Variants in SPEN observed in about 807,000 individuals in gnomAD.
The protein encoded by SPEN is spen family transcriptional repressor.
SPEN carries 18 observed loss-of-function variants against 269.9 expected under a neutral mutation model. The ratio of observed to expected loss-of-function variants is 0.07; its 90% CI spans 0.05 to 0.10. SPEN has a LOEUF of 0.10. SPEN is among the 10% of genes least tolerant of loss of function. SPEN has a pLI of 1.00. For synonymous variants in SPEN, 1,726 were observed against 1,765.7 expected (o/e 0.98, Z 0.56); for missense variants, 3,822 against 4,631.2 (o/e 0.83, Z 5.07).
chr1:15,930,798 C>G lies in SPEN; in HGVS notation c.4558C>G (p.Gln1520Glu). Residue 1520 changes from glutamine to glutamate, a missense_variant, in exon 11 of 15, where the codon CAA (glutamine) becomes GAA (glutamate). Gln to Glu is a conservative substitution (Grantham distance 29, BLOSUM62 2). This residue lies in a region of SPEN where 533 missense variants were observed against 618.8 expected (regional missense o/e 0.86). Coordinates refer to ENST00000375759, the MANE Select transcript of SPEN (RefSeq NM_015001.3). This position sits in a 1 kb window ranked among gnomAD's most constrained non-coding sequence, Gnocchi z 5.3. Reference protein sequence around the residue: ...DKKEDHKEEEQERQELFASRF... With the variant: ...DKKEDHKEEEEERQELFASRF... The stretch of plus-strand genomic sequence containing the variant: ...GAAAGAGGACCATAAAGAAGAAGAG[C>G]AAGAGAGGCAGGAATTGTTTGCTTC... The G allele has an allele frequency of 6.2e-7, 1 of 1,614,124 alleles. No homozygotes were observed. The highest frequency in any genetic ancestry group is 8.5e-7 in the Non-Finnish European group (1 of 1,180,024).
chr1:15,912,384 T>G (rs2071020278), intron 5 of SPEN, among the ~76,000 whole-genome samples: 1 of 152,172 alleles, frequency 6.6e-6, no homozygotes. Flanking sequence ...CATTAAAAAT[T>G]TATAGTCACT....
intron 1 of SPEN, among the ~76,000 whole-genome samples, chr1:15,861,868 C>G (rs1311812437): frequency 6.6e-6 from 1 of 152,030 alleles, no homozygotes; most frequent in Admixed American, 6.6e-5. Flanking sequence ...GGTGAAACCC[C>G]GTCTCTACTA....
In SPEN at chr1:15,935,387, G is replaced by C; in HGVS notation, c.9147G>C (p.Ala3049=). The C allele has an allele frequency of 6.2e-7, 1 of 1,613,994 alleles. No individual in the cohort carries two copies. The highest frequency in any genetic ancestry group is 1.1e-5 in the South Asian group (1 of 91,082). The change falls in exon 11 of 15, where the codon GCG becomes GCC. Residue 3049 remains alanine (A), a synonymous_variant. Transcript: ENST00000375759. This position sits in a 1 kb window ranked among gnomAD's most constrained non-coding sequence, Gnocchi z 7.7. The stretch of plus-strand genomic sequence containing the variant: ...ACCCCAGCAGTACTGCATCTACGGC[G>C]CTCTCCACCAACGCCACAGTCATGC... ...ASHPSSTAST[A]LSTNATVMLA...
At chr1:15,871,886 A>G (rs535022146) in intron 1 of SPEN, among the ~76,000 whole-genome samples, 2 of 152,144 alleles carry the variant, frequency 1.3e-5, no homozygotes, top group African/African-American at 2.4e-5. Flanking sequence ...CTTTGATTCT[A>G]TCTTAGGTTC....
chr1:15,923,058 T>C (rs568177739), intron 10 of SPEN, among the ~76,000 whole-genome samples: 1 of 152,344 alleles, frequency 6.6e-6, no homozygotes, highest in Non-Finnish European at 1.5e-5. Flanking sequence ...TTGTATGTGC[T>C]CATACATTTA....
Position 15,929,525 on chromosome 1 carries a change from T to G in SPEN, c.3285T>G (p.Ser1095=). Residue 1095 remains serine (S), a synonymous_variant, in exon 11 of 15, where the codon TCT becomes TCG. Coordinates refer to ENST00000375759, the MANE Select transcript of SPEN (RefSeq NM_015001.3). The surrounding 1 kb of genome is among the most constrained non-coding windows in gnomAD (Gnocchi z 5.8). ...GACTGGGAGAACTAGCAGGTGAATC[T>G]GTGGAAAATCAAGAAGTCCAATCAA... The part of the protein sequence containing the change: ...QARLGELAGE[S]VENQEVQSKK... The G allele has an allele frequency of 6.2e-7, 1 of 1,613,776 alleles. No individual in the cohort carries two copies. The highest frequency in any genetic ancestry group is 8.5e-7 in the Non-Finnish European group (1 of 1,179,918).
chr1:15,924,066 A>T (rs576449023), intron 10 of SPEN, among the ~76,000 whole-genome samples: 344 of 152,336 alleles, frequency 2.3e-3, no homozygotes, highest in African/African-American at 7.9e-3. Flanking sequence ...CAGAATCCAA[A>T]TCACAAAGCT....
chr1:15,867,651 T>G (rs1298229396), intron 1 of SPEN, among the ~76,000 whole-genome samples: 1 of 151,986 alleles, frequency 6.6e-6, no homozygotes, highest in Non-Finnish European at 1.5e-5. Context: ...TGGGTGGCTA[T>G]CTCACCAGCA....
intron 1 of SPEN, among the ~76,000 whole-genome samples, chr1:15,853,650 T>G (rs1230698765): frequency 2.0e-5 from 3 of 149,590 alleles, no homozygotes; most frequent in African/African-American, 7.4e-5. Flanking sequence ...CACACCACCA[T>G]GTCTGGCTAA....
chr1:15,895,545 A>G (rs1291768763), intron 3 of SPEN, among the ~76,000 whole-genome samples: 1 of 152,176 alleles, frequency 6.6e-6, no homozygotes, highest in Non-Finnish European at 1.5e-5. Flanking sequence ...CTTTTTGGGT[A>G]AGCTTTAATT....
chr1:15,917,429 AC>A (rs769625555), intron 6 of SPEN, among the ~76,000 whole-genome samples: 3 of 152,148 alleles, frequency 2.0e-5, no homozygotes, highest in Non-Finnish European at 4.4e-5. Flanking sequence ...CACTCTTGTC[AC>A]CCAGGCTGGA....
At chr1:15,899,844 T>TTTTA (rs1007472125) in intron 3 of SPEN, among the ~76,000 whole-genome samples, 2 of 151,912 alleles carry the variant, frequency 1.3e-5, no homozygotes, top group South Asian at 2.1e-4. Flanking sequence ...TATTTTTTTA[T>TTTTA]TTTATTTATT....
At position 15,934,649 on chromosome 1, in the gene SPEN, G is replaced by A. The variant is rs1485386999; in HGVS notation, c.8409G>A (p.Gly2803=). 1 of 1,614,036 alleles carries A rather than the reference G, an allele frequency of 6.2e-7. No homozygotes were observed. The highest frequency in any genetic ancestry group is 1.1e-5 in the South Asian group (1 of 91,080). The change falls in exon 11 of 15, where the codon GGG becomes GGA. Residue 2803 remains glycine (G), a synonymous_variant. Transcript: ENST00000375759. The surrounding 1 kb of genome is among the most constrained non-coding windows in gnomAD (Gnocchi z 9.2). Reference sequence around the variant, plus strand: ...ATCGTCCGGCAGACGCGGGCTCAGGGGCGGGGCTGCGTGTGAACACTTCTG... The same window carrying A: ...ATCGTCCGGCAGACGCGGGCTCAGGAGCGGGGCTGCGTGTGAACACTTCTG... ...IDDRPADAGS[G]AGLRVNTSEG... is the part of the protein sequence containing the mutation.
At chr1:15,906,759 C>T (rs1363016520) in intron 3 of SPEN, among the ~76,000 whole-genome samples, 6 of 144,286 alleles carry the variant, frequency 4.2e-5, no homozygotes, top group Non-Finnish European at 9.0e-5. Flanking sequence ...CCACTGCACT[C>T]GGCATGTTTT....
chr1:15,863,601 G>A (rs1557735631), intron 1 of SPEN, among the ~76,000 whole-genome samples: 1 of 152,126 alleles, frequency 6.6e-6, no homozygotes, highest in Non-Finnish European at 1.5e-5. Context: ...AGCACTTTGG[G>A]AGACCGAGAC....
chr1:15,851,596 A>G (rs1161927682), intron 1 of SPEN, among the ~76,000 whole-genome samples: 2 of 152,222 alleles, frequency 1.3e-5, no homozygotes, highest in Non-Finnish European at 2.9e-5. Context: ...GATTTTAAGT[A>G]AGTTGCGAAT....
At chr1:15,926,440 A>G (rs926617648) in intron 10 of SPEN, among the ~76,000 whole-genome samples, 3 of 151,882 alleles carry the variant, frequency 2.0e-5, no homozygotes, top group Non-Finnish European at 2.9e-5. Context: ...CAAAATATAC[A>G]TATTTATAAA....
Position 15,934,401 on chromosome 1 carries a change from G to A in SPEN, c.8161G>A (p.Ala2721Thr), listed in dbSNP as rs199693521. ...CGCCACGGTGGGCACAGTGAATGCC[G>A]CCCCAGGCACAGTCAATGCCGCTGC... ...VNATVGTVNA[A>T]PGTVNAAASA... The change falls in exon 11 of 15, where the codon GCC becomes ACC. Residue 2721 changes from alanine to threonine, a missense_variant. Coordinates refer to ENST00000375759, the MANE Select transcript of SPEN (RefSeq NM_015001.3). The surrounding 1 kb of genome is among the most constrained non-coding windows in gnomAD (Gnocchi z 9.2). The A allele has an allele frequency of 4.9e-5, 79 of 1,613,668 alleles. No individual in the cohort carries two copies. In the East Asian group the frequency reaches 1.6e-3, roughly 33 times the overall value.
At position 15,933,157 on chromosome 1, in the gene SPEN, G is replaced by A; in HGVS notation, c.6917G>A (p.Ser2306Asn). The change falls in exon 11 of 15, where the codon AGT (serine) becomes AAT (asparagine). Residue 2306 changes from serine to asparagine, a missense_variant. Physicochemically the swap from Ser to Asn is conservative, Grantham distance 46. Around this residue, in one of 16 missense-constraint regions of SPEN, gnomAD observed 727 missense variants for 737.9 expected, o/e 0.99. Transcript: ENST00000375759. This position sits in a 1 kb window ranked among gnomAD's most constrained non-coding sequence, Gnocchi z 5.7. Reference sequence around the variant, plus strand: ...ACCAAGGAAGCCAGAGGAAATAGCAGTGAAACCTCACACTCAGTGCCAGAA... The same window carrying A: ...ACCAAGGAAGCCAGAGGAAATAGCAATGAAACCTCACACTCAGTGCCAGAA... ...TDTKEARGNS[S>N]ETSHSVPEAK... 6.2e-7 allele frequency: 1 copy of A among 1,613,938 alleles called. No individual in the cohort carries two copies. The highest frequency in any genetic ancestry group is 8.5e-7 in the Non-Finnish European group (1 of 1,180,042).
Sources: gnomAD v4.1 joint callset for allele counts (sites outside exome capture counted in the v4.1 genomes callset) on GRCh38, gnomAD v4.1.1 for gene constraint, gnomAD v4.1.1 regional missense constraint, Gnocchi (gnomAD v3.1) non-coding constraint, MANE v1.5 for transcripts, NCBI Gene and HGNC (gene_info 2026-07-23, HGNC 2026-07-21) for gene names.